RFPL2: variants seen among roughly 807,000 people sequenced by gnomAD.
The protein encoded by RFPL2 is ret finger protein like 2.
A neutral mutation model predicts 17.8 loss-of-function variants in RFPL2; 13 were observed. The ratio of observed to expected loss-of-function variants is 0.73; its 90% CI spans 0.47 to 1.16. RFPL2 has a LOEUF of 1.16. Among genes scored for constraint, RFPL2 ranks in the 50% most tolerant of loss-of-function variants. The pLI is 0.00. For missense variants in RFPL2, 431 were observed against 479.3 expected (o/e 0.90, Z 0.94); for synonymous variants, 189 against 180.9 (o/e 1.04, Z -0.36).
At chr22:32,197,219 A>C (rs577523487) in intron 2 of RFPL2, among the ~76,000 whole-genome samples, 1 of 152,302 alleles carries the variant, frequency 6.6e-6, no homozygotes, top group Non-Finnish European at 1.5e-5. Flanking sequence ...AGTGAATGTA[A>C]AGATATGAGT....
chr22:32,191,560 G>C (rs1922658084), intron 4 of RFPL2, among the ~76,000 whole-genome samples: 1 of 152,110 alleles, frequency 6.6e-6, no homozygotes, highest in Non-Finnish European at 1.5e-5. Context: ...ATTCACAGTA[G>C]CAATTCTTAT....
chr22:32,202,824 A>C (rs1603212872), intron 1 of RFPL2: 2 of 1,049,216 alleles, frequency 1.9e-6, no homozygotes, highest in Non-Finnish European at 2.3e-6. Flanking sequence ...AGCCCTCCCC[A>C]CCCAAGTGCC....
intron 1 of RFPL2, among the ~76,000 whole-genome samples, chr22:32,204,495 C>A (rs1452663896): frequency 1.3e-5 from 2 of 152,208 alleles, no homozygotes; most frequent in African/African-American, 4.8e-5. Flanking sequence ...GCTCCCACCT[C>A]GGGCAGTGCA....
At chr22:32,199,564 A>C (rs1923700654) in intron 2 of RFPL2, among the ~76,000 whole-genome samples, 1 of 152,152 alleles carries the variant, frequency 6.6e-6, no homozygotes, top group Admixed American at 6.5e-5. Context: ...AAGTTCCCAG[A>C]CTGAATTCAA....
At chr22:32,198,475 G>A (rs1272757467) in intron 2 of RFPL2, among the ~76,000 whole-genome samples, 2 of 151,368 alleles carry the variant, frequency 1.3e-5, no homozygotes, top group Non-Finnish European at 2.9e-5. Flanking sequence ...ACGGCTGCAA[G>A]TGGGGGCTGG....
rs753168014 is a variant in RFPL2 at position 32,191,232 on chromosome 22, A to G, written c.677T>C (p.Val226Ala). ...NRQDLAERFD[V>A]SVCILGSPRF... Reference sequence around the variant, plus strand: ...AGGGGAGCCCAGGATGCAAACGGACACGTCAAATCTCTCGGCAAGGTCTTG... The same window carrying G: ...AGGGGAGCCCAGGATGCAAACGGACGCGTCAAATCTCTCGGCAAGGTCTTG... Residue 226 changes from valine (V) to alanine (A), a missense_variant, in exon 5 of 5, where the codon GTG becomes GCG. By Grantham distance (64) the Val-to-Ala change is moderately conservative. Coordinates refer to ENST00000652607, the MANE Select transcript of RFPL2 (RefSeq NM_001394555.1). 3 of 1,613,976 alleles carry G rather than the reference A, an allele frequency of 1.9e-6. No individual in the cohort carries two copies. The highest frequency in any genetic ancestry group is 2.5e-6 in the Non-Finnish European group (3 of 1,179,858).
Position 32,194,449 on chromosome 22 carries a change from C to T in RFPL2, c.161G>A (p.Gly54Glu). The T allele has an allele frequency of 1.2e-6, 2 of 1,611,622 alleles. No homozygotes were observed. The highest frequency in any genetic ancestry group is 1.1e-5 in the South Asian group (1 of 90,562). The stretch of plus-strand genomic sequence containing the variant: ...CCTTTTATTGGTGAGATTCCCACCT[C>T]CCACTGGGTCACGCCCTTCCACACC... ...LEGVEGRDPV[G>E]GGNLTNKRPS... is the part of the protein sequence containing the mutation. The change falls in exon 3 of 5, where the codon GGA (glycine) becomes GAA (glutamate). Residue 54 changes from glycine (G) to glutamate (E), a missense_variant. Coordinates refer to ENST00000652607, the MANE Select transcript of RFPL2 (RefSeq NM_001394555.1).
chr22:32,193,050 A>T lies in RFPL2; in HGVS notation c.408T>A (p.Asp136Glu), dbSNP rs1318780656. ...CCATGGAAGAGCAACAGCAAAGTAG[A>T]TCCTCCCCATGGGGCTCCTTCTGCA... ...NSLQKEPHGEDLLCCCSSMVS... is the reference protein window; with the variant it reads ...NSLQKEPHGEELLCCCSSMVS... Residue 136 changes from aspartate (D) to glutamate (E), a missense_variant, in exon 4 of 5, where the codon GAT becomes GAA. By Grantham distance (45) the Asp-to-Glu change is conservative. Coordinates refer to ENST00000652607, the MANE Select transcript of RFPL2 (RefSeq NM_001394555.1). 3 of 1,613,946 alleles carry T rather than the reference A, an allele frequency of 1.9e-6. No individual in the cohort carries two copies. In the South Asian group the frequency reaches 3.3e-5, roughly 18 times the overall value.
rs1437454066 is a variant in RFPL2 at position 32,190,647 on chromosome 22, A to C, written c.*125T>G. 10 of 993,970 alleles carry C rather than the reference A, an allele frequency of 1.0e-5. No homozygotes were observed. Among genetic ancestry groups the C allele is most frequent in the Non-Finnish European group, 1.5e-5 (10 of 688,114 alleles). The allele number at this position is 993,970 out of a possible 1,614,324, so 61.6% of individuals were successfully genotyped here. ...ATCTAATCAAATTAGATTAAGTACA[A>C]TCAAGAAATGTCCCATATTTTTCTC... On this transcript the variant is annotated 3_prime_UTR_variant, in exon 5 of 5. Coordinates refer to ENST00000652607, the MANE Select transcript of RFPL2 (RefSeq NM_001394555.1).
rs945092844 is a variant in RFPL2, at chr22:32,198,006, C to A, written c.120-3516G>T. Among the ~76,000 whole-genome samples, 3 of 152,136 alleles carry A rather than the reference C, an allele frequency of 2.0e-5. No homozygotes were observed. In the East Asian group the frequency reaches 5.8e-4, roughly 29 times the overall value. ...AGTACCTGGCAAGACCCATCCCAAA[C>A]TAAGACAACACCAGGGAGGATGGAA... On this transcript the variant is annotated intron_variant, in intron 2 of 4. Transcript: ENST00000652607.
chr22:32,193,412 G>C lies in RFPL2; in HGVS notation c.266-220C>G. On this transcript the variant is annotated intron_variant, in intron 3 of 4. Coordinates refer to ENST00000652607, the MANE Select transcript of RFPL2 (RefSeq NM_001394555.1). ...AAGTCACGAATCATCACTGTGCTCTGAGCTGAGGTGGAGGAAGCGTCCATT... is the reference window on the plus strand; with the variant it reads ...AAGTCACGAATCATCACTGTGCTCTCAGCTGAGGTGGAGGAAGCGTCCATT... 6.0e-6 allele frequency: 9 copies of C among 1,509,476 alleles called. No individual in the cohort carries two copies. In the South Asian group the frequency reaches 1.2e-4, roughly 21 times the overall value. 93.5% of individuals were successfully genotyped at this position (1,509,476 alleles called of 1,614,324 possible).
chr22:32,203,066 G>T, intron 1 of RFPL2: 1 of 985,808 alleles, frequency 1.0e-6, no homozygotes, highest in Non-Finnish European at 1.2e-6. Context: ...CTCCTCTCTT[G>T]CAGACCACCG....
chr22:32,194,230 C>A, intron 3 of RFPL2, 115 bp downstream of exon 3: 2 of 1,249,446 alleles, frequency 1.6e-6, no homozygotes, highest in Non-Finnish European at 1.1e-6. Context: ...AGGCAGCACT[C>A]AGACGGCCTT....
chr22:32,201,965 C>T (rs1020858273), intron 2 of RFPL2, among the ~76,000 whole-genome samples: 10 of 152,206 alleles, frequency 6.6e-5, no homozygotes, highest in Admixed American at 3.9e-4. Context: ...CATTTATTCT[C>T]TCCCAGGTAT....
intron 2 of RFPL2, among the ~76,000 whole-genome samples, chr22:32,195,698 C>T (rs1421537671): frequency 6.6e-6 from 1 of 151,870 alleles, no homozygotes; most frequent in East Asian, 1.9e-4. Context: ...CTTCAGGTAA[C>T]CCGCCCGCCT....
At chr22:32,199,734 G>T (rs900454580) in intron 2 of RFPL2, among the ~76,000 whole-genome samples, 2 of 152,212 alleles carry the variant, frequency 1.3e-5, no homozygotes, top group Non-Finnish European at 2.9e-5. Context: ...CAGGCTCAGA[G>T]GTTCCCTGAA....
rs559478207 is a variant in RFPL2, at chr22:32,192,847, A to G, written c.556+55T>C. ...TGTGGAATGAGGGGCCAACTGCACA[A>G]ATGATTTTTCCTGGTCTGGTCTTGG... On this transcript the variant is annotated intron_variant, in intron 4 of 4. Transcript: ENST00000652607. 870 of 1,542,666 alleles carry G rather than the reference A, an allele frequency of 5.6e-4. 2 individuals carry two copies. The Admixed American group carries it at 7.7e-3, about 14-fold the overall frequency.
intron 2 of RFPL2, among the ~76,000 whole-genome samples, chr22:32,197,566 T>C (rs1322013651): frequency 6.6e-6 from 1 of 150,542 alleles, no homozygotes; most frequent in Non-Finnish European, 1.5e-5. Context: ...TGTCCCCCCA[T>C]CCCACGACAG....
At chr22:32,204,381 C>T (rs1274544055) in intron 1 of RFPL2, among the ~76,000 whole-genome samples, 1 of 152,208 alleles carries the variant, frequency 6.6e-6, no homozygotes, top group Non-Finnish European at 1.5e-5. Flanking sequence ...TCCGGTAAAG[C>T]ACCCAACCTT....
Sources: allele counts gnomAD v4.1 joint callset (sites outside exome capture counted in the v4.1 genomes callset), GRCh38; gene constraint gnomAD v4.1.1; transcripts MANE v1.5; gene names NCBI Gene and HGNC (gene_info 2026-07-23, HGNC 2026-07-21).